CPQ: variants seen among roughly 807,000 people sequenced by gnomAD.
CPQ encodes Ser-Met dipeptidase.
A neutral mutation model predicts 45.7 loss-of-function variants in CPQ; 37 were observed. The observed-to-expected ratio is 0.81, with a 90% confidence interval of 0.62 to 1.07. The LOEUF (loss-of-function observed/expected upper bound fraction) is 1.07, where lower values mean the gene tolerates loss of function less well. Ranked by LOEUF, CPQ falls within the 50% of genes least tolerant of loss-of-function variation. CPQ has a pLI of 0.00. For missense variants in CPQ, 537 were observed against 572.9 expected (o/e 0.94, Z 0.64); for synonymous variants, 186 against 205.8 (o/e 0.90, Z 0.82).
chr8:96,938,593 A>G (rs1238931586), intron 4 of CPQ, among the ~76,000 whole-genome samples: 1 of 152,156 alleles, frequency 6.6e-6, no homozygotes, highest in Admixed American at 6.6e-5. Flanking sequence ...GGACCCTCTA[A>G]TGGGCACTGA....
chr8:97,018,184 G>A (rs1262472596), intron 5 of CPQ, among the ~76,000 whole-genome samples: 2 of 152,122 alleles, frequency 1.3e-5, no homozygotes, highest in African/African-American at 4.8e-5. Context: ...TAGGAAAAGG[G>A]GGAGAGTACT....
At position 96,737,355 on chromosome 8, in the gene CPQ, G is replaced by GATATATATATATATATATATATATAT. The variant is rs372241683; in HGVS notation, c.-34-47495_-34-47494insATATATATATATATATATATATATAT. Among the ~76,000 whole-genome samples, 203 of 117,900 alleles carry GATATATATATATATATATATATATAT rather than the reference G, an allele frequency of 1.7e-3. 4 individuals carry two copies. Among genetic ancestry groups the GATATATATATATATATATATATATAT allele is most frequent in the African/African-American group, 4.5e-3 (134 of 30,044 alleles). 77.3% of individuals were successfully genotyped at this position (117,900 alleles called of 152,430 possible). ...ACACACTCACACAGAACTAATAGGA[G>GATATATATATATATATATATATATAT]ATATATATATATATGAGTTTATTAA... On this transcript the variant is annotated intron_variant, in intron 1 of 7. Coordinates refer to ENST00000220763, the MANE Select transcript of CPQ (RefSeq NM_016134.4).
At chr8:97,059,636 G>A (rs1810513064) in intron 6 of CPQ, among the ~76,000 whole-genome samples, 1 of 152,172 alleles carries the variant, frequency 6.6e-6, no homozygotes, top group African/African-American at 2.4e-5. Flanking sequence ...CATGTTAGTT[G>A]TTTGAGCTGA....
intron 3 of CPQ, among the ~76,000 whole-genome samples, chr8:96,869,846 C>T (rs1161923076): frequency 6.6e-6 from 1 of 151,918 alleles, no homozygotes; most frequent in Non-Finnish European, 1.5e-5. Flanking sequence ...TGAAGAAAAA[C>T]TGAAAATAAA....
At chr8:96,847,598 A>T (rs1250557447) in intron 3 of CPQ, among the ~76,000 whole-genome samples, 3 of 152,206 alleles carry the variant, frequency 2.0e-5, no homozygotes, top group Non-Finnish European at 4.4e-5. Context: ...ACTACCACAG[A>T]TAAGTCAACT....
chr8:96,817,523 G>T (rs1165723783), intron 2 of CPQ, among the ~76,000 whole-genome samples: 1 of 152,024 alleles, frequency 6.6e-6, no homozygotes, highest in Non-Finnish European at 1.5e-5. Flanking sequence ...TAGGGGGTTT[G>T]ATCTTCTGTC....
chr8:97,055,328 C>T (rs1586517856), intron 6 of CPQ, among the ~76,000 whole-genome samples: 1 of 152,204 alleles, frequency 6.6e-6, no homozygotes, highest in Non-Finnish European at 1.5e-5. Context: ...CCATTGGTTG[C>T]ACCACCTTTC....
chr8:96,923,440 CT>C (rs1812834816), intron 4 of CPQ, among the ~76,000 whole-genome samples: 1 of 152,018 alleles, frequency 6.6e-6, no homozygotes, highest in African/African-American at 2.4e-5. Context: ...ATTTAGTCAC[CT>C]TCTTCAACTT....
intron 1 of CPQ, among the ~76,000 whole-genome samples, chr8:96,652,775 G>A (rs1264320455): frequency 6.6e-6 from 1 of 152,112 alleles, no homozygotes; most frequent in Non-Finnish European, 1.5e-5. Context: ...TGGGACTACC[G>A]GCGCCCGCCA....
chr8:96,930,176 G>A (rs1424902968), intron 4 of CPQ, among the ~76,000 whole-genome samples: 1 of 152,196 alleles, frequency 6.6e-6, no homozygotes, highest in African/African-American at 2.4e-5. Context: ...CAAGATCAAG[G>A]AGTCAAATAC....
chr8:96,874,431 C>T (rs1316294024), intron 3 of CPQ, among the ~76,000 whole-genome samples: 2 of 151,766 alleles, frequency 1.3e-5, no homozygotes, highest in East Asian at 3.9e-4. Flanking sequence ...TTTCATCATC[C>T]CAAAAAGAAA....
At chr8:96,976,237 C>G (rs904048028) in intron 5 of CPQ, among the ~76,000 whole-genome samples, 1 of 67,252 alleles carries the variant, frequency 1.5e-5, no homozygotes, top group Non-Finnish European at 2.8e-5. Flanking sequence ...ACCCCTTTCA[C>G]AATAGCTGAC....
chr8:96,655,651 T>C (rs935891924), intron 1 of CPQ, among the ~76,000 whole-genome samples: 3 of 152,200 alleles, frequency 2.0e-5, no homozygotes, highest in African/African-American at 7.2e-5. Flanking sequence ...ATTAAACCCA[T>C]AGTAATTTCA....
At chr8:96,750,405 T>C (rs1810242806) in intron 1 of CPQ, among the ~76,000 whole-genome samples, 1 of 152,094 alleles carries the variant, frequency 6.6e-6, no homozygotes, top group Admixed American at 6.6e-5. Flanking sequence ...TGAATAGTGC[T>C]TGGAACAGAG....
intron 3 of CPQ, among the ~76,000 whole-genome samples, chr8:96,868,506 A>AAC (rs1454955909): frequency 6.6e-6 from 1 of 152,008 alleles, no homozygotes; most frequent in East Asian, 1.9e-4. Flanking sequence ...TACATACATA[A>AAC]ACACTCATAC....
rs184499651 is a variant in CPQ, at chr8:96,986,514, C to A, written c.961+20468C>A. Among the ~76,000 whole-genome samples the A allele has an allele frequency of 4.2e-3, 635 of 152,168 alleles. 2 individuals carry two copies. The highest frequency in any genetic ancestry group is 0.015 in the African/African-American group (608 of 41,502). ...TTTCCCTTATTCCCACTCTCTCAAA[C>A]CCCAATGCCCAGCATGAAGAAGAAA... is the stretch of plus-strand genomic sequence containing the variant. On this transcript the variant is annotated intron_variant, in intron 5 of 7. Coordinates refer to ENST00000220763, the MANE Select transcript of CPQ (RefSeq NM_016134.4).
intron 1 of CPQ, among the ~76,000 whole-genome samples, chr8:96,646,638 A>G (rs1815522471): frequency 6.6e-6 from 1 of 152,220 alleles, no homozygotes; most frequent in South Asian, 2.1e-4. Context: ...CAGGTTCCAG[A>G]AGAGCTGGAT....
intron 1 of CPQ, among the ~76,000 whole-genome samples, chr8:96,648,302 A>G (rs1815539970): frequency 6.6e-6 from 1 of 152,144 alleles, no homozygotes; most frequent in African/African-American, 2.4e-5. Flanking sequence ...TGCTCACAAT[A>G]TTATGAAAAA....
intron 1 of CPQ, among the ~76,000 whole-genome samples, chr8:96,723,557 ATC>A (rs1326139427): frequency 4.6e-5 from 7 of 152,082 alleles, no homozygotes; most frequent in South Asian, 2.1e-4. Context: ...TGTCTACTCA[ATC>A]TCTCTTTTAT....
Sources: gnomAD v4.1 joint callset for allele counts (sites outside exome capture counted in the v4.1 genomes callset) on GRCh38, gnomAD v4.1.1 for gene constraint, MANE v1.5 for transcripts, NCBI Gene and HGNC (gene_info 2026-07-23, HGNC 2026-07-21) for gene names.